TTLL12: variants seen among roughly 807,000 people sequenced by gnomAD.
The protein encoded by TTLL12 is tubulin--tyrosine ligase-like protein 12.
TTLL12 carries 77 observed loss-of-function variants against 79.6 expected under a neutral mutation model. That is an observed-to-expected ratio of 0.97 (90% confidence interval 0.81 to 1.17). The LOEUF (loss-of-function observed/expected upper bound fraction) is 1.17. TTLL12 is among the 50% of genes most tolerant of loss of function. TTLL12 has a pLI of 0.00. For synonymous variants in TTLL12, 437 were observed against 376.1 expected (o/e 1.16, Z -1.87); for missense variants, 969 against 895.9 (o/e 1.08, Z -1.04).
At chr22:43,185,848 T>A in intron 1 of TTLL12, 2 of 593,538 alleles carry the variant, frequency 3.4e-6, no homozygotes, top group Non-Finnish European at 4.2e-6. Context: ...CAAACCAAGG[T>A]CCCTTCCACC....
chr22:43,179,560 C>G (rs1201520258), intron 5 of TTLL12, 59 bp downstream of exon 5: 3 of 1,504,056 alleles, frequency 2.0e-6, no homozygotes, highest in African/African-American at 2.8e-5. Flanking sequence ...GGTGTGTGCA[C>G]AGAGAACATT....
rs774688705 is a variant in TTLL12 at position 43,167,212 on chromosome 22, C to T, written c.*796G>A. 23 of 531,738 alleles carry T rather than the reference C, an allele frequency of 4.3e-5. No individual in the cohort carries two copies. The highest frequency in any genetic ancestry group is 3.2e-4 in the Middle Eastern group (1 of 3,170). 32.9% of individuals were successfully genotyped at this position (531,738 alleles called of 1,614,324 possible). On this transcript the variant is annotated 3_prime_UTR_variant, in exon 14 of 14. Transcript: ENST00000216129. ...AGCCCCAGCCCCAGGCGCCCCTTGC[C>T]GAAGGATCCTGGCCCATCTCACACA...
chr22:43,172,371 C>T (rs111262957), intron 10 of TTLL12, 32 bp downstream of exon 10: 1 of 1,607,612 alleles, frequency 6.2e-7, no homozygotes. Context: ...ACCCAGCTCC[C>T]CGACCCTGGA....
In TTLL12 at chr22:43,187,103, A is replaced by ACCG. The variant is rs532056292; in HGVS notation, c.-37_-35dup. The ACCG allele has an allele frequency of 5.4e-5, 55 of 1,013,956 alleles. 2 individuals carry two copies. The highest frequency in any genetic ancestry group is 4.3e-4 in the Middle Eastern group (1 of 2,326). The allele number at this position is 1,013,956 out of a possible 1,614,324, so 62.8% of individuals were successfully genotyped here. The stretch of plus-strand genomic sequence containing the variant: ...CACCCGCGCCGACTCCAGCGCCGCC[A>ACCG]CCGCCGCCGCCGCCCGCCGTCCGTC... On this transcript the variant is annotated 5_prime_UTR_variant, in exon 1 of 14. Coordinates refer to ENST00000216129, the MANE Select transcript of TTLL12 (RefSeq NM_015140.4).
intron 1 of TTLL12, among the ~76,000 whole-genome samples, chr22:43,186,597 G>A (rs1405410750): frequency 1.3e-5 from 2 of 152,220 alleles, no homozygotes; most frequent in East Asian, 3.8e-4. Flanking sequence ...AAGTGGGGGT[G>A]ATGAGTTTCA....
chr22:43,178,958 G>T (rs1489113786), intron 5 of TTLL12, among the ~76,000 whole-genome samples: 1 of 152,202 alleles, frequency 6.6e-6, no homozygotes, highest in Non-Finnish European at 1.5e-5. Flanking sequence ...TGGGAGAGGA[G>T]GGGAAGGAGG....
Position 43,173,782 on chromosome 22 carries a change from C to T in TTLL12, c.1274G>A (p.Arg425His), listed in dbSNP as rs774841476. Residue 425 changes from arginine (R) to histidine (H), a missense_variant, in exon 9 of 14, where the codon CGC (arginine) becomes CAC (histidine). Transcript: ENST00000216129. ...CTTGGTGACGTGGGTGTCCAGGCTGCGCGCCAGGTTCCAGGGCTTGCAGAT... is the reference window on the plus strand; with the variant it reads ...CTTGGTGACGTGGGTGTCCAGGCTGTGCGCCAGGTTCCAGGGCTTGCAGAT... ...HWICKPWNLA[R>H]SLDTHVTKSL... 56 of 1,604,882 alleles carry T rather than the reference C, an allele frequency of 3.5e-5. No individual in the cohort carries two copies. The highest frequency in any genetic ancestry group is 8.0e-5 in the African/African-American group (6 of 74,990).
chr22:43,184,561 G>A (rs1449801928), intron 1 of TTLL12, among the ~76,000 whole-genome samples: 1 of 152,236 alleles, frequency 6.6e-6, no homozygotes, highest in Non-Finnish European at 1.5e-5. Context: ...GATAGCCCAG[G>A]GTGGAGCAAA....
At chr22:43,173,486 G>C (rs1282999323) in intron 9 of TTLL12, among the ~76,000 whole-genome samples, 1 of 152,142 alleles carries the variant, frequency 6.6e-6, no homozygotes, top group African/African-American at 2.4e-5. Context: ...AATTTTTAAA[G>C]TTTTTTCCCT....
intron 1 of TTLL12, chr22:43,185,935 A>G: frequency 1.0e-6 from 1 of 984,058 alleles, no homozygotes; most frequent in Non-Finnish European, 1.2e-6. Flanking sequence ...TCTCTGTTAC[A>G]CTGTAGCATA....
chr22:43,173,698 T>C lies in TTLL12; in HGVS notation c.1341+17A>G. ...CCAGGGCCCTGAGCCCTGGGGCTCC[T>C]GGTCTGCGGGGCCCACCTTGGGGGT... On this transcript the variant is annotated intron_variant, in intron 9 of 13. Transcript: ENST00000216129. 6.3e-7 allele frequency: 1 copy of C among 1,596,934 alleles called. No homozygotes were observed. The highest frequency in any genetic ancestry group is 8.5e-7 in the Non-Finnish European group (1 of 1,178,424).
At chr22:43,168,223 C>A in intron 13 of TTLL12, 64 bp from the exon 14 acceptor site, 1 of 1,572,910 alleles carries the variant, frequency 6.4e-7, no homozygotes, top group South Asian at 1.2e-5. Flanking sequence ...GGGACAGTGG[C>A]CTGGGGATCC....
Position 43,169,565 on chromosome 22 carries a change from G to C in TTLL12, c.1579C>G (p.His527Asp). 1 of 1,613,496 alleles carries C rather than the reference G, an allele frequency of 6.2e-7. No individual in the cohort carries two copies. Among genetic ancestry groups the C allele is most frequent in the Non-Finnish European group, 8.5e-7 (1 of 1,179,742 alleles). ...AACTCGGGGATGAACTCTTCACAGT[G>C]CACCTGCAACAGACACAGGGCCCAT... ...YDPDVVLKQV[H>D]CEEFIPEFEK... The change falls in exon 12 of 14, where the codon CAC becomes GAC. Residue 527 changes from histidine to aspartate, a missense_variant. Coordinates refer to ENST00000216129, the MANE Select transcript of TTLL12 (RefSeq NM_015140.4).
At position 43,168,098 on chromosome 22, in the gene TTLL12, G is replaced by C; in HGVS notation, c.1845C>G (p.Ala615=). ...EVNFNPDCER[A]CRYHPTFFND... ...TGAAGAAGGTGGGGTGGTACCTGCA[G>C]GCTCGCTCACAGTCGGGGTTGAAGT... is the stretch of plus-strand genomic sequence containing the variant. The change falls in exon 14 of 14, where the codon GCC becomes GCG. Residue 615 remains alanine (A), a synonymous_variant. Coordinates refer to ENST00000216129, the MANE Select transcript of TTLL12 (RefSeq NM_015140.4). The C allele has an allele frequency of 6.2e-7, 1 of 1,614,192 alleles. No individual in the cohort carries two copies. The highest frequency in any genetic ancestry group is 8.5e-7 in the Non-Finnish European group (1 of 1,180,020).
chr22:43,175,193 G>GGGGAGTGTCT (rs1450031924), intron 6 of TTLL12: 1 of 152,420 alleles, frequency 6.6e-6, no homozygotes, highest in Non-Finnish European at 1.5e-5. Context: ...GGGCAGCCAA[G>GGGGAGTGTCT]GGGAGTGTCT....
Position 43,167,731 on chromosome 22 carries a change from A to C in TTLL12, c.*277T>G. The C allele has an allele frequency of 3.1e-6, 1 of 322,066 alleles. No homozygotes were observed. The allele number at this position is 322,066 out of a possible 1,614,324, so 20.0% of individuals were successfully genotyped here. A position where few individuals can be genotyped will look rare whatever the true frequency, so the allele number is the denominator to read the frequency against. On this transcript the variant is annotated 3_prime_UTR_variant, in exon 14 of 14. Transcript: ENST00000216129. ...AAGCCCTTGGCTAAACTGGAGACTC[A>C]TCAGTGCACAGATGGTGGTGAGGGG...
At chr22:43,185,201 C>T (rs961326044) in intron 1 of TTLL12, among the ~76,000 whole-genome samples, 1 of 143,156 alleles carries the variant, frequency 7.0e-6, no homozygotes, top group African/African-American at 2.6e-5. Flanking sequence ...GCACTCCAGC[C>T]TGTGTGACAG....
rs781431634 is a variant in TTLL12 at position 43,172,441 on chromosome 22, CA to C, written c.1454del (p.Leu485CysfsTer31). The stretch of plus-strand genomic sequence containing the variant: ...GCAGCCAGAACACATCATACACGAA[CA>C]ACCGTAGGGGCCTCACTGACCGCAG... ...VLLRSVRPLR[L>X]FVYDVFWLRF... is the part of the protein sequence containing the mutation. On this transcript the variant is annotated frameshift_variant, in exon 10 of 14. Transcript: ENST00000216129. LOFTEE classifies it high-confidence loss of function. 2.5e-6 allele frequency: 4 copies of C among 1,614,084 alleles called. No individual in the cohort carries two copies. In the African/African-American group the frequency reaches 5.3e-5, roughly 22 times the overall value.
chr22:43,176,976 C>T (rs549044171), intron 5 of TTLL12, among the ~76,000 whole-genome samples: 5 of 152,236 alleles, frequency 3.3e-5, no homozygotes, highest in South Asian at 2.1e-4. Context: ...ACCTCAAAAT[C>T]GCAGGGGGCG....
Sources: allele counts gnomAD v4.1 joint callset (sites outside exome capture counted in the v4.1 genomes callset), GRCh38; gene constraint gnomAD v4.1.1; transcripts MANE v1.5; gene names NCBI Gene and HGNC (gene_info 2026-07-23, HGNC 2026-07-21).